The following CTNNA2 variants were observed in gnomAD, a reference collection of about 807,000 sequenced individuals.
The protein encoded by CTNNA2 is catenin alpha 2.
Under a neutral mutation model 101.0 loss-of-function variants are expected in CTNNA2, and 42 were observed. That is an observed-to-expected ratio of 0.42 (90% CI 0.32 to 0.54). CTNNA2 has a LOEUF of 0.54. Ranked by LOEUF, CTNNA2 falls within the 20% of genes least tolerant of loss-of-function variation. The pLI is 0.14. For missense variants in CTNNA2, 871 were observed against 1,223.1 expected (o/e 0.71, Z 4.29); for synonymous variants, 450 against 456.4 (o/e 0.99, Z 0.18).
chr2:79,508,194 G>C (rs888607574), upstream of CTNNA2, among the ~76,000 whole-genome samples: 56 of 152,104 alleles, frequency 3.7e-4, no homozygotes, highest in African/African-American at 1.3e-3. Flanking sequence ...TATTTTTGAT[G>C]ATCCCCTGGA....
At chr2:79,442,213 C>T (rs1221606690) in intron 4 of CTNNA2, among the ~76,000 whole-genome samples, 2 of 152,164 alleles carry the variant, frequency 1.3e-5, no homozygotes, top group South Asian at 4.1e-4. Context: ...ATAAAATCAG[C>T]TCTCAATAAA....
chr2:80,186,390 C>T (rs1418416485), intron 7 of CTNNA2, among the ~76,000 whole-genome samples: 1 of 152,156 alleles, frequency 6.6e-6, no homozygotes, highest in Non-Finnish European at 1.5e-5. Flanking sequence ...ATATCATGGC[C>T]TTGATATCAC....
intron 1 of CTNNA2, among the ~76,000 whole-genome samples, chr2:79,589,208 C>A (rs75428984): frequency 0.023 from 3,477 of 152,240 alleles, 60 homozygotes; most frequent in Non-Finnish European, 0.035. Context: ...AAGGCCGTGC[C>A]ACCAGCAGGC....
At chr2:79,932,841 A>G (rs987399119) in intron 7 of CTNNA2, among the ~76,000 whole-genome samples, 42 of 152,186 alleles carry the variant, frequency 2.8e-4, no homozygotes, top group African/African-American at 9.2e-4. Context: ...CACACTTTGT[A>G]TTTCATGCCG....
intron 1 of CTNNA2, among the ~76,000 whole-genome samples, chr2:79,573,290 A>G (rs1573378172): frequency 6.6e-6 from 1 of 152,212 alleles, no homozygotes; most frequent in East Asian, 1.9e-4. Context: ...ATAGGCAACA[A>G]GTGTCATCGC....
chr2:80,531,904 G>T (rs1690576739), intron 9 of CTNNA2, among the ~76,000 whole-genome samples: 1 of 152,184 alleles, frequency 6.6e-6, no homozygotes, highest in South Asian at 2.1e-4. Context: ...TAAACTGGGG[G>T]TTGGCAATCT....
intron 4 of CTNNA2, among the ~76,000 whole-genome samples, chr2:79,484,616 T>A (rs1671140925): frequency 6.6e-6 from 1 of 152,084 alleles, no homozygotes; most frequent in Non-Finnish European, 1.5e-5. Flanking sequence ...AAGGGCGAGG[T>A]GCTTGAGATG....
chr2:79,632,135 C>A (rs1374715719), intron 1 of CTNNA2, among the ~76,000 whole-genome samples: 2 of 151,678 alleles, frequency 1.3e-5, no homozygotes, highest in Non-Finnish European at 2.9e-5. Flanking sequence ...TTAGTTCATT[C>A]CAATAAAATA....
chr2:79,837,059 C>T (rs1679423889), intron 3 of CTNNA2, among the ~76,000 whole-genome samples: 1 of 152,134 alleles, frequency 6.6e-6, no homozygotes, highest in Non-Finnish European at 1.5e-5. Context: ...TAGGGAGATA[C>T]AATTAAACCC....
intron 1 of CTNNA2, among the ~76,000 whole-genome samples, chr2:79,516,221 T>C (rs1221745463): frequency 6.6e-6 from 1 of 152,236 alleles, no homozygotes; most frequent in Non-Finnish European, 1.5e-5. Flanking sequence ...TGTGTTTAGC[T>C]CAGTACTTGG....
chr2:80,221,629 C>T (rs1708581492), intron 7 of CTNNA2, among the ~76,000 whole-genome samples: 1 of 152,188 alleles, frequency 6.6e-6, no homozygotes, highest in Non-Finnish European at 1.5e-5. Flanking sequence ...TTCCTTTCTT[C>T]CATTGGTACC....
intron 3 of CTNNA2, among the ~76,000 whole-genome samples, chr2:79,768,198 T>C (rs1673301739): frequency 6.6e-6 from 1 of 151,718 alleles, no homozygotes; most frequent in South Asian, 2.1e-4. Context: ...GTTCATTTCC[T>C]CAGGATTGCT....
At chr2:79,780,639 C>T (rs898103022) in intron 3 of CTNNA2, among the ~76,000 whole-genome samples, 13 of 152,192 alleles carry the variant, frequency 8.5e-5, no homozygotes, top group African/African-American at 3.1e-4. Flanking sequence ...CTCCTCTAAT[C>T]CCCTAAATGG....
intron 7 of CTNNA2, among the ~76,000 whole-genome samples, chr2:80,314,506 T>C (rs772680581): frequency 1.3e-5 from 2 of 152,226 alleles, no homozygotes; most frequent in African/African-American, 2.4e-5. Flanking sequence ...GCCTTTAACA[T>C]ATAGGGATGG....
chr2:79,312,179 G>T (rs973484462), intron 2 of CTNNA2, among the ~76,000 whole-genome samples: 1 of 152,142 alleles, frequency 6.6e-6, no homozygotes, highest in Non-Finnish European at 1.5e-5. Flanking sequence ...AAAGTGCTGG[G>T]ATTATAAACA....
chr2:80,156,055 A>C (rs1013986430), intron 7 of CTNNA2, among the ~76,000 whole-genome samples: 1 of 152,158 alleles, frequency 6.6e-6, no homozygotes, highest in African/African-American at 2.4e-5. Flanking sequence ...GAGATTCTAC[A>C]TTTCTAACAA....
At chr2:79,537,437 T>C (rs900570787) in intron 1 of CTNNA2, among the ~76,000 whole-genome samples, 2 of 152,320 alleles carry the variant, frequency 1.3e-5, no homozygotes, top group African/African-American at 4.8e-5. Context: ...TTTGTTCTTA[T>C]GCTGCTAGGG....
intron 2 of CTNNA2, among the ~76,000 whole-genome samples, chr2:79,199,765 C>G (rs896467686): frequency 6.6e-6 from 1 of 152,120 alleles, no homozygotes; most frequent in Non-Finnish European, 1.5e-5. Flanking sequence ...GGTGAGGGTC[C>G]TGTTCCTGGC....
At chr2:80,105,471 C>G (rs13417877) in intron 7 of CTNNA2, among the ~76,000 whole-genome samples, 3,225 of 152,268 alleles carry the variant, frequency 0.021, 115 homozygotes, top group African/African-American at 0.074. Context: ...CACGTATAAT[C>G]TCAACACTTT....
Sources: gnomAD v4.1 joint callset for allele counts (sites outside exome capture counted in the v4.1 genomes callset) on GRCh38, gnomAD v4.1.1 for gene constraint, MANE v1.5 for transcripts, NCBI Gene and HGNC (gene_info 2026-07-23, HGNC 2026-07-21) for gene names.